The following USP42 variants were observed in gnomAD, a reference collection of about 807,000 sequenced individuals.
USP42 encodes ubiquitin specific peptidase 42.
A neutral mutation model predicts 113.0 loss-of-function variants in USP42; 23 were observed. The ratio of observed to expected loss-of-function variants is 0.20; its 90% confidence interval spans 0.15 to 0.29. USP42 has a LOEUF of 0.29. Ranked by LOEUF, USP42 falls within the 10% of genes least tolerant of loss-of-function variation. The pLI is 1.00. For synonymous variants in USP42, 933 were observed against 699.0 expected (o/e 1.33, Z -5.28); for missense variants, 2,174 against 1,779.8 (o/e 1.22, Z -3.99).
At chr7:6,136,015 T>G in intron 4 of USP42, 64 bp downstream of exon 4, 1 of 1,157,282 alleles carries the variant, frequency 8.6e-7, no homozygotes, top group Non-Finnish European at 1.2e-6. Flanking sequence ...TTTTTTTTTT[T>G]TTTTTTCGAG....
At chr7:6,127,130 C>T (rs1315402221) in intron 3 of USP42, among the ~76,000 whole-genome samples, 2 of 151,816 alleles carry the variant, frequency 1.3e-5, no homozygotes, top group Non-Finnish European at 2.9e-5. Context: ...TGTTTGTGTT[C>T]TTTGGTGAAA....
At chr7:6,116,706 A>G (rs1026435640) in intron 3 of USP42, 7 of 491,222 alleles carry the variant, frequency 1.4e-5, no homozygotes, top group African/African-American at 1.0e-4. Context: ...AAACCAAAGA[A>G]AAATCACCTA....
chr7:6,114,427 G>A (rs1244528820), intron 2 of USP42, among the ~76,000 whole-genome samples: 1 of 151,422 alleles, frequency 6.6e-6, no homozygotes, highest in African/African-American at 2.4e-5. Context: ...ATCAACTTAC[G>A]GGCAGTGATA....
At chr7:6,152,064 T>C (rs1413804026) in intron 14 of USP42, among the ~76,000 whole-genome samples, 2 of 152,002 alleles carry the variant, frequency 1.3e-5, no homozygotes, top group Non-Finnish European at 2.9e-5. Context: ...TAGTGAAGAA[T>C]GTGAATGTAA....
At position 6,154,647 on chromosome 7, in the gene USP42, C is replaced by G; in HGVS notation, c.3093C>G (p.Asp1031Glu). ...GACACCGGAGCGGGGTGGAGCTGGA[C>G]TGGGTCAGACACCACTACACCGAGG... ...HSRHRSGVELDWVRHHYTEGE... is the reference protein window; with the variant it reads ...HSRHRSGVELEWVRHHYTEGE... The change falls in exon 15 of 18, where the codon GAC (aspartate) becomes GAG (glutamate). Residue 1031 changes from aspartate to glutamate, a missense_variant. By Grantham distance (45) the Asp-to-Glu change is conservative. Coordinates refer to ENST00000306177, the MANE Select transcript of USP42 (RefSeq NM_032172.3). 1.2e-6 allele frequency: 2 copies of G among 1,605,896 alleles called. No homozygotes were observed. The highest frequency in any genetic ancestry group is 1.7e-6 in the Non-Finnish European group (2 of 1,177,230).
intron 3 of USP42, among the ~76,000 whole-genome samples, chr7:6,122,459 TG>T (rs1465146662): frequency 6.6e-6 from 1 of 151,902 alleles, no homozygotes; most frequent in African/African-American, 2.4e-5. Flanking sequence ...TGTTTTGTTT[TG>T]TTTTTTTGTT....
Position 6,115,505 on chromosome 7 carries a change from C to G in USP42, c.424C>G (p.His142Asp). 2 of 1,614,056 alleles carry G rather than the reference C, an allele frequency of 1.2e-6. No individual in the cohort carries two copies. Among genetic ancestry groups the G allele is most frequent in the East Asian group, 2.2e-5 (1 of 44,884 alleles). Residue 142 changes from histidine (H) to aspartate (D), a missense_variant, in exon 3 of 18, where the codon CAT becomes GAT. Transcript: ENST00000306177. The part of the protein sequence containing the change: ...TPPLANYMLS[H>D]EHSKTCHAEG... The stretch of plus-strand genomic sequence containing the variant: ...ACCTCTTGCCAATTACATGCTATCA[C>G]ATGAACACTCCAAAACATGTAAGTG...
At chr7:6,111,982 A>G (rs997626382) in intron 2 of USP42, 1 of 152,404 alleles carries the variant, frequency 6.6e-6, no homozygotes, top group Non-Finnish European at 1.5e-5. Flanking sequence ...GCATTATAAT[A>G]ACTTGTTAAC....
At position 6,153,866 on chromosome 7, in the gene USP42, G is replaced by A. The variant is rs1782219843; in HGVS notation, c.2312G>A (p.Ser771Asn). The A allele has an allele frequency of 1.3e-6, 2 of 1,557,506 alleles. No individual in the cohort carries two copies. Among genetic ancestry groups the A allele is most frequent in the Non-Finnish European group, 1.7e-6 (2 of 1,152,406 alleles). The change falls in exon 15 of 18, where the codon AGC becomes AAC. Residue 771 changes from serine to asparagine, a missense_variant. By Grantham distance (46) the Ser-to-Asn change is conservative. Transcript: ENST00000306177. ...CCAGATGCGGCCGCCGGCCTCAGCA[G>A]CACCAAGAAGGCTCCGCCGCCCCGC... ...EEPDAAAGLSSTKKAPPPRDP... is the reference protein window; with the variant it reads ...EEPDAAAGLSNTKKAPPPRDP...
At chr7:6,083,352 T>C in the USP42 span, among the ~76,000 whole-genome samples, 1 of 150,000 alleles carries the variant, frequency 6.7e-6, no homozygotes, top group Non-Finnish European at 1.5e-5. Context: ...GCCTCCCAGG[T>C]TCAAGCAATT....
chr7:6,145,483 G>A lies in USP42; in HGVS notation c.991-33G>A, dbSNP rs749954748. ...AATATGTGGAATGATCTGTGCCCTC[G>A]GAAATGTTTCTCCTGTTTCCATTTC... On this transcript the variant is annotated intron_variant, in intron 9 of 17. Transcript: ENST00000306177. 1.9e-5 allele frequency: 30 copies of A among 1,613,220 alleles called. 1 individual carries two copies. The highest frequency in any genetic ancestry group is 1.2e-4 in the South Asian group (11 of 91,042).
At position 6,112,403 on chromosome 7, in the gene USP42, T is replaced by TCGCAAAA. The variant is rs925935005; in HGVS notation, c.241+1033_241+1034insAAACGCA. On this transcript the variant is annotated intron_variant, in intron 2 of 17. Transcript: ENST00000306177. ...GGCAGAGGTTGCAGTGAGCCCAAGA[T>TCGCAAAA]CGCACCATTGCATTTCAGCCTGGGC... 3.3e-5 allele frequency among the ~76,000 whole-genome samples: 5 copies of TCGCAAAA among 151,948 alleles called. 1 individual carries two copies.
At chr7:6,109,783 T>G (rs983720208) in intron 1 of USP42, among the ~76,000 whole-genome samples, 7 of 149,062 alleles carry the variant, frequency 4.7e-5, no homozygotes, top group Non-Finnish European at 7.4e-5. Context: ...TCTCTGCAAC[T>G]TCTGTCTCCC....
intron 2 of USP42, among the ~76,000 whole-genome samples, chr7:6,112,462 G>GA (rs896790938): frequency 4.1e-5 from 6 of 145,518 alleles, no homozygotes; most frequent in South Asian, 2.2e-4. Flanking sequence ...AAAGAAAAAA[G>GA]AAAAAAAAAA....
At chr7:6,092,029 C>CTT in the USP42 span, among the ~76,000 whole-genome samples, 32 of 110,348 alleles carry the variant, frequency 2.9e-4, 1 homozygote, top group African/African-American at 9.8e-4. Flanking sequence ...TCTTCTTCTT[C>CTT]TTCTTCTTCT....
chr7:6,140,966 T>C lies in USP42; in HGVS notation c.777T>C (p.Asp259=), dbSNP rs373376184. 3 of 1,541,800 alleles carry C rather than the reference T, an allele frequency of 1.9e-6. No individual in the cohort carries two copies. The highest frequency in any genetic ancestry group is 1.4e-5 in the African/African-American group (1 of 72,526). Residue 259 remains aspartate, a synonymous_variant, in exon 7 of 18, where the codon GAT becomes GAC. Coordinates refer to ENST00000306177, the MANE Select transcript of USP42 (RefSeq NM_032172.3). ...GVSDTFDPYL[D]ITLEIKAAQS... ...CAGATACTTTTGATCCATATCTTGATATAACATTGGAGATAAAGGTAAATT... is the reference window on the plus strand; with the variant it reads ...CAGATACTTTTGATCCATATCTTGACATAACATTGGAGATAAAGGTAAATT...
intron 1 of USP42, among the ~76,000 whole-genome samples, chr7:6,108,893 A>T (rs920531974): frequency 6.6e-6 from 1 of 152,230 alleles, no homozygotes; most frequent in Non-Finnish European, 1.5e-5. Context: ...AGCAAACGCT[A>T]GTTGTTTTCT....
In USP42 at chr7:6,107,409, CTT is replaced by C. The variant is rs774259719; in HGVS notation, c.-10+2393_-10+2394del. 6.9e-5 allele frequency among the ~76,000 whole-genome samples: 9 copies of C among 130,774 alleles called. No homozygotes were observed. The South Asian group carries it at 9.8e-4, about 14-fold the overall frequency. The allele number at this position is 130,774 out of a possible 152,430, so 85.8% of individuals were successfully genotyped here. A position where few individuals can be genotyped will look rare whatever the true frequency, so the allele number is the denominator to read the frequency against. On this transcript the variant is annotated intron_variant, in intron 1 of 17. Coordinates refer to ENST00000306177, the MANE Select transcript of USP42 (RefSeq NM_032172.3). ...CTATTTGGGCTTTCTTCTTCCTTTT[CTT>C]TTTTTTTTTTTTTTTGAGACGGAGT...
At chr7:6,116,924 C>T (rs750188175) in intron 3 of USP42, 2 of 506,848 alleles carry the variant, frequency 3.9e-6, no homozygotes, top group Non-Finnish European at 8.0e-6. Context: ...CAGAAGCTCC[C>T]GATGTCCAGA....
Sources: allele counts gnomAD v4.1 joint callset (sites outside exome capture counted in the v4.1 genomes callset), GRCh38; gene constraint gnomAD v4.1.1; transcripts MANE v1.5; gene names NCBI Gene and HGNC (gene_info 2026-07-23, HGNC 2026-07-21).